The following ESRRG variants were observed in gnomAD, a reference collection of about 807,000 sequenced individuals.
ESRRG encodes the protein estrogen-related receptor gamma.
Under a neutral mutation model 44.0 loss-of-function variants are expected in ESRRG, and 13 were observed. That is an observed-to-expected ratio of 0.30 (90% CI 0.19 to 0.47). The LOEUF is 0.47. Among genes scored for constraint, ESRRG ranks in the 20% least tolerant of loss-of-function variants. The probability of loss-of-function intolerance (pLI) is 1.00; values close to 1 mark genes in which losing one functional copy is unlikely to be tolerated. For synonymous variants in ESRRG, 215 were observed against 214.6 expected (o/e 1.00, Z -0.02); for missense variants, 395 against 580.6 (o/e 0.68, Z 3.29).
chr1:217,038,472 C>T (rs2083298073), intron 1 of ESRRG, among the ~76,000 whole-genome samples: 1 of 152,116 alleles, frequency 6.6e-6, no homozygotes, highest in African/African-American at 2.4e-5. Context: ...GCTCTGTGTC[C>T]CCACCCAAAT....
At chr1:216,688,325 C>G (rs1316502070) in intron 1 of ESRRG, among the ~76,000 whole-genome samples, 1 of 152,166 alleles carries the variant, frequency 6.6e-6, no homozygotes, top group East Asian at 1.9e-4. Flanking sequence ...TTATACCCGT[C>G]TATCAAGTGC....
chr1:217,077,808 C>T (rs1001693780), intron 1 of ESRRG, among the ~76,000 whole-genome samples: 1 of 152,184 alleles, frequency 6.6e-6, no homozygotes, highest in Non-Finnish European at 1.5e-5. Context: ...CCAAAGCTAA[C>T]TTGTTTCTCA....
chr1:216,983,685 CATGTGTGT>C (rs2074377778), intron 1 of ESRRG, among the ~76,000 whole-genome samples: 1 of 56,526 alleles, frequency 1.8e-5, no homozygotes, highest in South Asian at 7.9e-4. Flanking sequence ...CGTGCATGTG[CATGTGTGT>C]GTGTGTGTGT....
At chr1:217,134,440 G>C (rs1047519100) in intron 1 of ESRRG, among the ~76,000 whole-genome samples, 6 of 152,228 alleles carry the variant, frequency 3.9e-5, no homozygotes, top group African/African-American at 1.4e-4. Flanking sequence ...CTGCGCGCCA[G>C]AGAAGCGAAG....
At chr1:217,039,581 G>T (rs1274237881) in intron 1 of ESRRG, among the ~76,000 whole-genome samples, 1 of 152,074 alleles carries the variant, frequency 6.6e-6, no homozygotes, top group Non-Finnish European at 1.5e-5. Context: ...GGAAAGACCT[G>T]CCCCCATGAT....
At chr1:216,994,806 C>T (rs1268776919) in intron 1 of ESRRG, among the ~76,000 whole-genome samples, 2 of 151,896 alleles carry the variant, frequency 1.3e-5, no homozygotes, top group African/African-American at 4.8e-5. Flanking sequence ...GGGATGGTCT[C>T]GATCTCCTGA....
intron 2 of ESRRG, among the ~76,000 whole-genome samples, chr1:216,827,486 C>T (rs1324338685): frequency 1.3e-5 from 2 of 152,132 alleles, no homozygotes; most frequent in African/African-American, 4.8e-5. Flanking sequence ...ATTCAGCCTC[C>T]CCATTTCATC....
At chr1:217,019,342 G>A (rs1410972275) in intron 1 of ESRRG, among the ~76,000 whole-genome samples, 3 of 152,160 alleles carry the variant, frequency 2.0e-5, no homozygotes, top group South Asian at 2.1e-4. Context: ...AGAGGACTTA[G>A]GTCCATAGAA....
At chr1:216,873,959 A>G (rs74141692) in intron 2 of ESRRG, among the ~76,000 whole-genome samples, 34 of 53,252 alleles carry the variant, frequency 6.4e-4, no homozygotes, top group African/African-American at 8.6e-4. Context: ...GAGTGGGGGA[A>G]GAGGGGAGGG....
chr1:216,591,153 T>G (rs1228364299), intron 3 of ESRRG, among the ~76,000 whole-genome samples: 1 of 152,264 alleles, frequency 6.6e-6, no homozygotes, highest in Admixed American at 6.5e-5. Flanking sequence ...AAGTCTTGAT[T>G]AAAAACTTAG....
At chr1:216,966,018 A>G (rs1260041439) in intron 1 of ESRRG, among the ~76,000 whole-genome samples, 11 of 152,162 alleles carry the variant, frequency 7.2e-5, no homozygotes, top group Non-Finnish European at 2.9e-5. Flanking sequence ...CCAAAATGAT[A>G]CTGACACTGC....
chr1:217,134,244 C>G (rs929492882), intron 1 of ESRRG, among the ~76,000 whole-genome samples: 3 of 152,228 alleles, frequency 2.0e-5, no homozygotes, highest in African/African-American at 7.2e-5. Flanking sequence ...TAGGTCTCCT[C>G]CAAATGGCAC....
intron 1 of ESRRG, among the ~76,000 whole-genome samples, chr1:216,688,728 C>T (rs572299350): frequency 1.1e-4 from 17 of 151,914 alleles, no homozygotes; most frequent in African/African-American, 2.4e-4. Context: ...AAAAGTAGGC[C>T]GGGGACATGA....
intron 1 of ESRRG, among the ~76,000 whole-genome samples, chr1:217,105,041 C>T (rs184334076): frequency 6.6e-6 from 1 of 152,250 alleles, no homozygotes; most frequent in Admixed American, 6.5e-5. Flanking sequence ...TACTCTGTGA[C>T]CCTCTCTTTC....
intron 3 of ESRRG, among the ~76,000 whole-genome samples, chr1:216,604,037 G>A (rs72737332): frequency 0.15 from 22,284 of 151,806 alleles, 2,159 homozygotes; most frequent in Non-Finnish European, 0.21. Flanking sequence ...AAATGAGGGC[G>A]TGACATTAAA....
intron 3 of ESRRG, among the ~76,000 whole-genome samples, chr1:216,627,492 TG>T (rs1213342613): frequency 2.0e-5 from 3 of 152,230 alleles, no homozygotes; most frequent in Non-Finnish European, 2.9e-5. Context: ...TTTTACAGTA[TG>T]GTGCCAGCTT....
intron 1 of ESRRG, among the ~76,000 whole-genome samples, chr1:216,684,191 C>T (rs1048690107): frequency 2.6e-5 from 4 of 152,152 alleles, no homozygotes; most frequent in Admixed American, 2.6e-4. Context: ...CTTAAGTCAT[C>T]CAGACTATTT....
intron 5 of ESRRG, among the ~76,000 whole-genome samples, chr1:216,524,897 G>A (rs976061712): frequency 9.9e-5 from 15 of 152,080 alleles, no homozygotes; most frequent in African/African-American, 3.6e-4. Flanking sequence ...GAAACGCAAA[G>A]GTAATATCTA....
intron 2 of ESRRG, among the ~76,000 whole-genome samples, chr1:216,728,885 A>G (rs1316816574): frequency 6.6e-6 from 1 of 152,110 alleles, no homozygotes; most frequent in Non-Finnish European, 1.5e-5. Flanking sequence ...ACTCTCTGAC[A>G]CACTTCTAAG....
Sources: gnomAD v4.1 joint callset for allele counts (sites outside exome capture counted in the v4.1 genomes callset) on GRCh38, gnomAD v4.1.1 for gene constraint, MANE v1.5 for transcripts, NCBI Gene and HGNC (gene_info 2026-07-23, HGNC 2026-07-21) for gene names.